ACYP2: variants seen among roughly 807,000 people sequenced by gnomAD.
The protein encoded by ACYP2 is acylphosphatase-2.
ACYP2 carries 12 observed loss-of-function variants against 11.2 expected under a neutral mutation model. The ratio of observed to expected loss-of-function variants is 1.08; its 90% CI spans 0.69 to 1.74. The LOEUF (loss-of-function observed/expected upper bound fraction) is 1.74. Ranked by LOEUF, ACYP2 falls within the 40% of genes most tolerant of loss-of-function variation. The probability of loss-of-function intolerance (pLI) is 0.00; values close to 1 mark genes in which losing one functional copy is unlikely to be tolerated. For missense variants in ACYP2, 134 were observed against 101.9 expected (o/e 1.31, Z -1.35); for synonymous variants, 43 against 32.2 (o/e 1.33, Z -1.13).
intron 2 of ACYP2, among the ~76,000 whole-genome samples, chr2:53,999,981 A>G (rs1002182089): frequency 3.9e-5 from 6 of 152,148 alleles, no homozygotes; most frequent in South Asian, 4.1e-4. Context: ...TGTTTTACCC[A>G]ATCTTAATTA....
At chr2:54,088,329 G>T (rs993565349) in intron 4 of ACYP2, among the ~76,000 whole-genome samples, 1 of 152,068 alleles carries the variant, frequency 6.6e-6, no homozygotes, top group Non-Finnish European at 1.5e-5. Flanking sequence ...TCAGCTTCAA[G>T]AAGCAGGAGG....
intron 4 of ACYP2, among the ~76,000 whole-genome samples, chr2:54,131,377 G>A (rs1025392085): frequency 3.3e-5 from 5 of 152,158 alleles, no homozygotes; most frequent in African/African-American, 7.2e-5. Context: ...TGGAAGGGCT[G>A]CTCGAGATTC....
intron 6 of ACYP2, among the ~76,000 whole-genome samples, chr2:54,268,210 T>C (rs1430353941): frequency 1.3e-5 from 2 of 152,316 alleles, no homozygotes; most frequent in East Asian, 1.9e-4. Flanking sequence ...ATATGAACTA[T>C]AGCAAATAGT....
intron 6 of ACYP2, among the ~76,000 whole-genome samples, chr2:54,224,509 C>T (rs1413098220): frequency 6.6e-6 from 1 of 152,130 alleles, no homozygotes; most frequent in Non-Finnish European, 1.5e-5. Context: ...AAAGCAAAGA[C>T]ACCACTCAAA....
intron 5 of ACYP2, among the ~76,000 whole-genome samples, chr2:54,138,142 T>A (rs1439793883): frequency 6.6e-6 from 1 of 152,208 alleles, no homozygotes; most frequent in Non-Finnish European, 1.5e-5. Context: ...ATTTTCTTAT[T>A]AAAATGATTT....
chr2:54,150,565 G>A (rs989051124), intron 6 of ACYP2, among the ~76,000 whole-genome samples: 2 of 152,076 alleles, frequency 1.3e-5, no homozygotes, highest in East Asian at 1.9e-4. Context: ...GAGATTACAG[G>A]CGTGGGCCAC....
chr2:54,305,266 TA>T lies in ACYP2; in HGVS notation c.*466del, dbSNP rs56209127. On this transcript the variant is annotated 3_prime_UTR_variant, in exon 7 of 7. Transcript: ENST00000607452. Reference sequence around the variant, plus strand: ...TTAGAAATAAATGTGATGATCAATATAACCATAAAATATTATCAACAAAGAG... The same window carrying T: ...TTAGAAATAAATGTGATGATCAATATACCATAAAATATTATCAACAAAGAG... 15,447 of 152,642 alleles carry T rather than the reference TA, an allele frequency of 0.1. 925 individuals carry two copies. Among genetic ancestry groups the T allele is most frequent in the East Asian group, 0.21 (1,070 of 5,192 alleles). 9.5% of individuals were successfully genotyped at this position (152,642 alleles called of 1,614,324 possible).
chr2:54,150,739 CTTTT>C (rs11295809), intron 6 of ACYP2, among the ~76,000 whole-genome samples: 1 of 137,372 alleles, frequency 7.3e-6, no homozygotes, highest in African/African-American at 2.8e-5. Context: ...GCGTTTCTTT[CTTTT>C]TTTTTTTTTT....
intron 2 of ACYP2, among the ~76,000 whole-genome samples, chr2:54,014,467 C>T (rs929469617): frequency 6.6e-6 from 1 of 151,912 alleles, no homozygotes; most frequent in African/African-American, 2.4e-5. Context: ...TTACAGGTAC[C>T]CACCACCAGG....
chr2:54,205,467 T>C (rs1471994541), intron 6 of ACYP2, among the ~76,000 whole-genome samples: 5 of 152,148 alleles, frequency 3.3e-5, no homozygotes, highest in Non-Finnish European at 7.4e-5. Flanking sequence ...CAGTATACAT[T>C]CTCCTCTCCC....
At chr2:54,270,623 G>A (rs1558658683) in intron 6 of ACYP2, among the ~76,000 whole-genome samples, 1 of 151,908 alleles carries the variant, frequency 6.6e-6, no homozygotes, top group South Asian at 2.1e-4. Flanking sequence ...TAAAAATAAA[G>A]ATAAAAAATA....
At chr2:54,040,054 C>A (rs1434356179) in intron 2 of ACYP2, among the ~76,000 whole-genome samples, 1 of 151,942 alleles carries the variant, frequency 6.6e-6, no homozygotes, top group African/African-American at 2.4e-5. Context: ...CTCAACATGT[C>A]AAAGATGGAA....
rs1681178263 is a variant in ACYP2 at position 54,135,593 on chromosome 2, G to A, written c.294+124G>A. On this transcript the variant is annotated intron_variant, in intron 5 of 6. Transcript: ENST00000607452. Reference sequence around the variant, plus strand: ...TTACTCCCTGTCCTTGACAGCAAATGAAGAAATATATGTATTTCTTTGAAA... The same window carrying A: ...TTACTCCCTGTCCTTGACAGCAAATAAAGAAATATATGTATTTCTTTGAAA... 4.5e-6 allele frequency: 3 copies of A among 665,670 alleles called. No homozygotes were observed. The South Asian group carries it at 6.8e-5, about 15-fold the overall frequency. 41.2% of individuals were successfully genotyped at this position (665,670 alleles called of 1,614,324 possible). A position where few individuals can be genotyped will look rare whatever the true frequency, so the allele number is the denominator to read the frequency against.
At chr2:53,992,817 T>G in intron 2 of ACYP2, among the ~76,000 whole-genome samples, 4 of 126,862 alleles carry the variant, frequency 3.2e-5, no homozygotes, top group Admixed American at 8.6e-5. Flanking sequence ...GGCGACATAG[T>G]GAAACTCCAT....
intron 4 of ACYP2, among the ~76,000 whole-genome samples, chr2:54,096,030 G>A (rs1411721997): frequency 9.5e-6 from 1 of 105,102 alleles, no homozygotes; most frequent in South Asian, 3.7e-4. Context: ...CCTCCCGGAC[G>A]GGGCGGCTGG....
chr2:54,245,362 C>T (rs1206493657), intron 6 of ACYP2, among the ~76,000 whole-genome samples: 1 of 152,148 alleles, frequency 6.6e-6, no homozygotes, highest in Non-Finnish European at 1.5e-5. Flanking sequence ...GATACCTCTT[C>T]AATGTACTGA....
At chr2:53,995,481 A>ATTTT (rs1481247399) in intron 2 of ACYP2, among the ~76,000 whole-genome samples, 2 of 113,786 alleles carry the variant, frequency 1.8e-5, no homozygotes, top group Non-Finnish European at 3.9e-5. Flanking sequence ...TTATTTATTT[A>ATTTT]TTTATTTTTT....
chr2:54,084,122 A>G (rs957103895), intron 4 of ACYP2, among the ~76,000 whole-genome samples: 2 of 152,142 alleles, frequency 1.3e-5, no homozygotes, highest in African/African-American at 4.8e-5. Context: ...AGCTCCTTAC[A>G]TGGGCTTTGG....
chr2:54,139,301 A>G (rs960769830), intron 6 of ACYP2, among the ~76,000 whole-genome samples: 3 of 152,198 alleles, frequency 2.0e-5, no homozygotes, highest in Admixed American at 6.5e-5. Context: ...AAAGATTGCC[A>G]TCTCCTTTTT....
Sources: gnomAD v4.1 joint callset for allele counts (sites outside exome capture counted in the v4.1 genomes callset) on GRCh38, gnomAD v4.1.1 for gene constraint, MANE v1.5 for transcripts, NCBI Gene and HGNC (gene_info 2026-07-23, HGNC 2026-07-21) for gene names.